The following CSMD1 variants were observed in gnomAD, a reference collection of about 807,000 sequenced individuals.
CSMD1 encodes the protein CUB and sushi domain-containing protein 1.
Under a neutral mutation model 417.5 loss-of-function variants are expected in CSMD1, and 213 were observed. The observed-to-expected ratio is 0.51, with a 90% CI of 0.46 to 0.57. The LOEUF is 0.57. CSMD1 is among the 20% of genes least tolerant of loss of function. The pLI is 0.00. For missense variants in CSMD1, 6,923 were observed against 4,529.7 expected (o/e 1.53, Z -15.17); for synonymous variants, 2,862 against 1,736.8 (o/e 1.65, Z -16.11).
Position 3,808,365 on chromosome 8 carries a change from A to T in CSMD1, c.819-54323T>A, listed in dbSNP as rs1175897383. On this transcript the variant is annotated intron_variant, in intron 5 of 69. Coordinates refer to ENST00000635120, the MANE Select transcript of CSMD1 (RefSeq NM_033225.6). The stretch of plus-strand genomic sequence containing the variant: ...GAAATGTTTGGGTCTTGGTATATTC[A>T]AAGGACTGACTGTGATAATGACAAC... Among the ~76,000 whole-genome samples, 3 of 152,152 alleles carry T rather than the reference A, an allele frequency of 2.0e-5. No individual in the cohort carries two copies. The East Asian group carries it at 5.8e-4, about 29-fold the overall frequency.
chr8:3,401,479 G>C (rs558859574), intron 15 of CSMD1, among the ~76,000 whole-genome samples: 2 of 152,070 alleles, frequency 1.3e-5, no homozygotes, highest in Non-Finnish European at 2.9e-5. Context: ...TAACACTGCC[G>C]ATGAGCAAAA....
At chr8:4,016,918 C>T (rs1375922146) in intron 4 of CSMD1, among the ~76,000 whole-genome samples, 1 of 152,086 alleles carries the variant, frequency 6.6e-6, no homozygotes, top group Non-Finnish European at 1.5e-5. Context: ...TGCCATAATC[C>T]CAATTGTTGA....
At chr8:4,446,756 TG>T (rs1798827562) in intron 2 of CSMD1, among the ~76,000 whole-genome samples, 3 of 13,016 alleles carry the variant, frequency 2.3e-4, no homozygotes, top group Non-Finnish European at 3.2e-4. Flanking sequence ...TGTGTGTGTC[TG>T]TGTGTGTGTG....
chr8:3,486,846 C>T (rs978557462), intron 11 of CSMD1, among the ~76,000 whole-genome samples: 5 of 152,156 alleles, frequency 3.3e-5, no homozygotes, highest in African/African-American at 7.2e-5. Flanking sequence ...TTTGTTTATC[C>T]CCCTACCAAC....
At chr8:4,739,400 C>T (rs1056109637) in intron 1 of CSMD1, among the ~76,000 whole-genome samples, 1 of 152,134 alleles carries the variant, frequency 6.6e-6, no homozygotes, top group African/African-American at 2.4e-5. Context: ...TATTTAGTGG[C>T]CTTATATCTG....
intron 3 of CSMD1, among the ~76,000 whole-genome samples, chr8:4,332,473 T>A (rs992681378): frequency 4.6e-5 from 7 of 151,900 alleles, no homozygotes; most frequent in African/African-American, 1.5e-4. Context: ...TCTCTCCAAC[T>A]GAGCACCTCA....
chr8:4,288,055 G>A (rs1019882074), intron 3 of CSMD1, among the ~76,000 whole-genome samples: 2 of 152,182 alleles, frequency 1.3e-5, no homozygotes, highest in African/African-American at 2.4e-5. Context: ...GCTAAAACAA[G>A]GAGGATATAA....
chr8:2,994,757 A>C (rs1285495994), intron 54 of CSMD1, among the ~76,000 whole-genome samples: 1 of 152,192 alleles, frequency 6.6e-6, no homozygotes, highest in Non-Finnish European at 1.5e-5. Flanking sequence ...TTCAATTTTT[A>C]ATTTTTTTAT....
At chr8:3,275,722 G>A (rs887810251) in intron 26 of CSMD1, among the ~76,000 whole-genome samples, 26 of 152,044 alleles carry the variant, frequency 1.7e-4, no homozygotes, top group Middle Eastern at 3.4e-3. Flanking sequence ...TGATCGCATC[G>A]GCTCCTGAGG....
chr8:3,220,786 A>G (rs1798163269), intron 28 of CSMD1, among the ~76,000 whole-genome samples: 1 of 152,246 alleles, frequency 6.6e-6, no homozygotes, highest in Admixed American at 6.5e-5. Flanking sequence ...AGTCAAGATC[A>G]CGCCACTGCA....
chr8:3,959,279 T>G (rs959519255), intron 5 of CSMD1, among the ~76,000 whole-genome samples: 3 of 152,184 alleles, frequency 2.0e-5, no homozygotes, highest in African/African-American at 7.2e-5. Flanking sequence ...GCAGGAGGAC[T>G]TGAGGCCAGA....
At chr8:3,159,841 G>T (rs531327969) in intron 38 of CSMD1, among the ~76,000 whole-genome samples, 2 of 152,276 alleles carry the variant, frequency 1.3e-5, no homozygotes, top group South Asian at 2.1e-4. Flanking sequence ...CTTTGGTAAA[G>T]AATTATTTCT....
intron 11 of CSMD1, among the ~76,000 whole-genome samples, chr8:3,478,123 T>C (rs977143155): frequency 3.9e-5 from 6 of 152,202 alleles, no homozygotes; most frequent in African/African-American, 1.4e-4. Flanking sequence ...CTCACTCAAG[T>C]ATGGCAGACT....
intron 3 of CSMD1, among the ~76,000 whole-genome samples, chr8:4,045,064 C>A (rs1431967192): frequency 6.6e-6 from 1 of 152,170 alleles, no homozygotes; most frequent in Non-Finnish European, 1.5e-5. Context: ...AGCCTTGTGC[C>A]TGAGGTATGG....
At chr8:4,120,693 A>C (rs570564093) in intron 3 of CSMD1, among the ~76,000 whole-genome samples, 1 of 152,222 alleles carries the variant, frequency 6.6e-6, no homozygotes, top group African/African-American at 2.4e-5. Flanking sequence ...TTTAGATGCC[A>C]AATACATATT....
chr8:4,129,758 T>C (rs1262082389), intron 3 of CSMD1, among the ~76,000 whole-genome samples: 1 of 152,144 alleles, frequency 6.6e-6, no homozygotes, highest in Non-Finnish European at 1.5e-5. Flanking sequence ...ATAACCATCC[T>C]GGAAAATTTC....
chr8:4,103,252 G>A (rs1462707972), intron 3 of CSMD1, among the ~76,000 whole-genome samples: 3 of 74,946 alleles, frequency 4.0e-5, no homozygotes, highest in East Asian at 3.9e-4. Flanking sequence ...CTGATGATCA[G>A]TGTATACATA....
At chr8:3,094,905 C>T (rs565438013) in intron 47 of CSMD1, among the ~76,000 whole-genome samples, 1 of 150,734 alleles carries the variant, frequency 6.6e-6, no homozygotes, top group Non-Finnish European at 1.5e-5. Context: ...TCACATAAAA[C>T]TCTGACCTTT....
rs553956595 is a variant in CSMD1 at position 4,184,213 on chromosome 8, A to G, written c.416-152114T>C. On this transcript the variant is annotated intron_variant, in intron 3 of 69. Coordinates refer to ENST00000635120, the MANE Select transcript of CSMD1 (RefSeq NM_033225.6). The stretch of plus-strand genomic sequence containing the variant: ...TCTGTGTCAGTCTGAGCCTAAGAGT[A>G]TAACTGTAAGCAGAGACAATATATT... Among the ~76,000 whole-genome samples the G allele has an allele frequency of 8.7e-4, 132 of 152,344 alleles. 1 individual carries two copies. The highest frequency in any genetic ancestry group is 2.5e-3 in the African/African-American group (105 of 41,580).
Sources: allele counts gnomAD v4.1 joint callset (sites outside exome capture counted in the v4.1 genomes callset), GRCh38; gene constraint gnomAD v4.1.1; transcripts MANE v1.5; gene names NCBI Gene and HGNC (gene_info 2026-07-23, HGNC 2026-07-21).